MSL2: variants seen among roughly 807,000 people sequenced by gnomAD.
MSL2 encodes MSL complex subunit 2.
In MSL2, 2 loss-of-function variants were observed where a neutral mutation model predicts 35.8. That is an observed-to-expected ratio of 0.06 (90% confidence interval 0.02 to 0.18). MSL2 has a LOEUF of 0.18. MSL2 is among the 10% of genes least tolerant of loss of function. MSL2 has a pLI of 1.00. For missense variants in MSL2, 523 were observed against 706.7 expected (o/e 0.74, Z 2.95); for synonymous variants, 296 against 255.7 (o/e 1.16, Z -1.50).
chr3:136,155,223 C>T lies in MSL2; in HGVS notation c.143-2485G>A, dbSNP rs183313146. On this transcript the variant is annotated intron_variant, in intron 1 of 1. Coordinates refer to ENST00000309993, the MANE Select transcript of MSL2 (RefSeq NM_018133.4). ...GACTGTCTGGAAAAAAAAAAAAAGACGCTGGATGCGGTGGCTCATGCTTGT... is the reference window on the plus strand; with the variant it reads ...GACTGTCTGGAAAAAAAAAAAAAGATGCTGGATGCGGTGGCTCATGCTTGT... Among the ~76,000 whole-genome samples the T allele has an allele frequency of 6.0e-5, 9 of 149,682 alleles. No homozygotes were observed. In the East Asian group the frequency reaches 1.2e-3, roughly 20 times the overall value.
At position 136,159,820 on chromosome 3, in the gene MSL2, A is replaced by T. The variant is rs530240277; in HGVS notation, c.143-7082T>A. Reference sequence around the variant, plus strand: ...AAGAGCTAAAATATAGAAATTCTAGAAGAAAACGGAGAAGAAAATCTTTGT... The same window carrying T: ...AAGAGCTAAAATATAGAAATTCTAGTAGAAAACGGAGAAGAAAATCTTTGT... On this transcript the variant is annotated intron_variant, in intron 1 of 1. Transcript: ENST00000309993. Among the ~76,000 whole-genome samples the T allele has an allele frequency of 1.4e-3, 208 of 152,316 alleles. 3 individuals carry two copies. The highest frequency in any genetic ancestry group is 4.4e-3 in the African/African-American group (183 of 41,566).
chr3:136,166,416 A>C (rs1939855685), intron 1 of MSL2, among the ~76,000 whole-genome samples: 1 of 152,090 alleles, frequency 6.6e-6, no homozygotes, highest in South Asian at 2.1e-4. Context: ...AAGGCCCCAG[A>C]AAGGGGCTTT....
At chr3:136,194,920 A>C in intron 1 of MSL2, 52 bp downstream of exon 1, 1 of 1,611,652 alleles carries the variant, frequency 6.2e-7, no homozygotes, top group Non-Finnish European at 8.5e-7. Context: ...ACCACTGCCC[A>C]GAAGGCTTTT....
intron 1 of MSL2, among the ~76,000 whole-genome samples, chr3:136,180,808 G>A (rs6439628): frequency 0.47 from 24,895 of 52,806 alleles, 5,249 homozygotes; most frequent in South Asian, 0.52. Flanking sequence ...GAGGGAGGGA[G>A]GGAAGGAGGG....
At chr3:136,170,213 C>T (rs982026688) in intron 1 of MSL2, among the ~76,000 whole-genome samples, 5 of 150,288 alleles carry the variant, frequency 3.3e-5, no homozygotes, top group South Asian at 2.1e-4. Flanking sequence ...ATTAGCTGGG[C>T]GTGGTGGTGC....
At chr3:136,159,172 T>C (rs182460257) in intron 1 of MSL2, among the ~76,000 whole-genome samples, 159 of 152,194 alleles carry the variant, frequency 1.0e-3, no homozygotes, top group Non-Finnish European at 1.9e-3. Context: ...GGACTTACAC[T>C]ACCAAATTCC....
intron 1 of MSL2, among the ~76,000 whole-genome samples, chr3:136,190,187 C>G (rs1940646310): frequency 6.6e-6 from 1 of 152,188 alleles, no homozygotes; most frequent in Admixed American, 6.5e-5. Context: ...CTTGTCTTCC[C>G]AGTAACACTG....
At chr3:136,157,529 C>A (rs1939569060) in intron 1 of MSL2, among the ~76,000 whole-genome samples, 1 of 151,936 alleles carries the variant, frequency 6.6e-6, no homozygotes, top group African/African-American at 2.4e-5. Context: ...TAAATGAATA[C>A]AGATTAGGGC....
chr3:136,179,383 A>G (rs1251420669), intron 1 of MSL2, among the ~76,000 whole-genome samples: 1 of 152,040 alleles, frequency 6.6e-6, no homozygotes, highest in Non-Finnish European at 1.5e-5. Context: ...GGGTCTCACT[A>G]TACTGCCCAA....
intron 1 of MSL2, among the ~76,000 whole-genome samples, chr3:136,190,692 T>G (rs1940662245): frequency 6.6e-6 from 1 of 152,232 alleles, no homozygotes; most frequent in African/African-American, 2.4e-5. Context: ...TTACATCATT[T>G]GAAGAGTTAC....
At chr3:136,184,567 C>T (rs1480735861) in intron 1 of MSL2, among the ~76,000 whole-genome samples, 2 of 152,098 alleles carry the variant, frequency 1.3e-5, no homozygotes, top group Non-Finnish European at 2.9e-5. Context: ...CCCACCATTG[C>T]ACTCCAGCCT....
At chr3:136,189,156 C>CG (rs1184671956) in intron 1 of MSL2, among the ~76,000 whole-genome samples, 1 of 121,844 alleles carries the variant, frequency 8.2e-6, no homozygotes, top group African/African-American at 3.6e-5. Context: ...AAAAATAAGG[C>CG]GAGCATGGTA....
chr3:136,195,680 A>G lies in MSL2; in HGVS notation c.-567T>C, dbSNP rs1940822717. 1 of 985,100 alleles carries G rather than the reference A, an allele frequency of 1.0e-6. No homozygotes were observed. Among genetic ancestry groups the G allele is most frequent in the African/African-American group, 1.8e-5 (1 of 57,106 alleles). The allele number at this position is 985,100 out of a possible 1,614,324, so 61.0% of individuals were successfully genotyped here. A position where few individuals can be genotyped will look rare whatever the true frequency, so the allele number is the denominator to read the frequency against. On this transcript the variant is annotated 5_prime_UTR_variant, in exon 1 of 2. Transcript: ENST00000309993. ...GTGCAAGACGCCGCGGCGGCGACGA[A>G]GGTTGATGTTGCGGCTGGCGGACGC...
intron 1 of MSL2, among the ~76,000 whole-genome samples, chr3:136,166,503 A>C (rs749898326): frequency 6.6e-6 from 1 of 152,230 alleles, no homozygotes; most frequent in Non-Finnish European, 1.5e-5. Context: ...TAAAGCAATA[A>C]ACCTTCCCTC....
chr3:136,194,243 TAGAC>T (rs1039813268), intron 1 of MSL2, among the ~76,000 whole-genome samples: 3 of 152,210 alleles, frequency 2.0e-5, no homozygotes, highest in Admixed American at 2.0e-4. Context: ...ATATTTTCCT[TAGAC>T]AATTTAGCAT....
At chr3:136,160,560 A>G (rs1472415061) in intron 1 of MSL2, among the ~76,000 whole-genome samples, 1 of 151,728 alleles carries the variant, frequency 6.6e-6, no homozygotes, top group African/African-American at 2.4e-5. Context: ...AAATACAAAA[A>G]TTAGCTGGCT....
Position 136,178,976 on chromosome 3 carries a change from TTTC to T in MSL2, c.142+15993_142+15995del, listed in dbSNP as rs1195543350. Reference sequence around the variant, plus strand: ...CCAGGAATGTAGTTATTTTGTTGGTTTTCTTTTTTTTTTTTTTTTTTTTTTTTA... The same window carrying T: ...CCAGGAATGTAGTTATTTTGTTGGTTTTTTTTTTTTTTTTTTTTTTTTTTA... On this transcript the variant is annotated intron_variant, in intron 1 of 1. Transcript: ENST00000309993. Among the ~76,000 whole-genome samples the T allele has an allele frequency of 7.7e-5, 11 of 142,986 alleles. No homozygotes were observed. In the South Asian group the frequency reaches 8.5e-4, roughly 11 times the overall value. 93.8% of individuals were successfully genotyped at this position (142,986 alleles called of 152,430 possible). A position where few individuals can be genotyped will look rare whatever the true frequency, so the allele number is the denominator to read the frequency against.
At chr3:136,187,021 G>C (rs956768474) in intron 1 of MSL2, among the ~76,000 whole-genome samples, 1 of 152,160 alleles carries the variant, frequency 6.6e-6, no homozygotes, top group African/African-American at 2.4e-5. Context: ...GTTCAGCATA[G>C]TTGCAATTTT....
Position 136,149,649 on chromosome 3 carries a change from T to C in MSL2, c.*1498A>G, listed in dbSNP as rs1488610247. 7.7e-6 allele frequency: 1 copy of C among 129,188 alleles called. No individual in the cohort carries two copies. The highest frequency in any genetic ancestry group is 1.6e-5 in the Non-Finnish European group (1 of 63,780). 8.0% of individuals were successfully genotyped at this position (129,188 alleles called of 1,614,324 possible). On this transcript the variant is annotated 3_prime_UTR_variant, in exon 2 of 2. Transcript: ENST00000309993. ...ACAAAAACAACTCTACCTGACCACA[T>C]TCACAGAAAATGACACCAGGATACA...
Sources: gnomAD v4.1 joint callset for allele counts (sites outside exome capture counted in the v4.1 genomes callset) on GRCh38, gnomAD v4.1.1 for gene constraint, MANE v1.5 for transcripts, NCBI Gene and HGNC (gene_info 2026-07-23, HGNC 2026-07-21) for gene names.